TRPM3: variants seen among roughly 807,000 people sequenced by gnomAD.
TRPM3 encodes transient receptor potential cation channel subfamily M member 3, also known as long transient receptor potential channel 3.
TRPM3 carries 77 observed loss-of-function variants against 181.2 expected under a neutral mutation model. The observed-to-expected ratio is 0.42, with a 90% confidence interval of 0.35 to 0.51. The LOEUF is 0.51. Ranked by LOEUF, TRPM3 falls within the 20% of genes least tolerant of loss-of-function variation. The pLI is 0.01. For missense variants in TRPM3, 1,759 were observed against 2,196.7 expected (o/e 0.80, Z 3.98); for synonymous variants, 745 against 796.4 (o/e 0.94, Z 1.09).
At chr9:70,960,369 T>C (rs2097125241) in intron 1 of TRPM3, among the ~76,000 whole-genome samples, 1 of 152,140 alleles carries the variant, frequency 6.6e-6, no homozygotes. Flanking sequence ...CTCCCATCCA[T>C]GGAAAAAGGT....
At chr9:71,134,284 G>T (rs2074614036) in intron 1 of TRPM3, among the ~76,000 whole-genome samples, 1 of 151,932 alleles carries the variant, frequency 6.6e-6, no homozygotes, top group Admixed American at 6.6e-5. Context: ...AGATTTTTCA[G>T]CCAGGCACAG....
chr9:71,128,513 T>C (rs2074186104), intron 1 of TRPM3, among the ~76,000 whole-genome samples: 1 of 152,218 alleles, frequency 6.6e-6, no homozygotes, highest in South Asian at 2.1e-4. Flanking sequence ...GATCACTTAA[T>C]ATTCACTCTT....
chr9:71,137,322 CT>C (rs1251026112), intron 1 of TRPM3, among the ~76,000 whole-genome samples: 1 of 152,170 alleles, frequency 6.6e-6, no homozygotes, highest in African/African-American at 2.4e-5. Context: ...TATATCGCTT[CT>C]CCCTTTGTAG....
At chr9:71,418,813 CTATA>C (rs67074520) in intron 1 of TRPM3, among the ~76,000 whole-genome samples, 226 of 113,150 alleles carry the variant, frequency 2.0e-3, no homozygotes, top group African/African-American at 7.0e-3. Context: ...TATATATATA[CTATA>C]TATATATATA....
At chr9:70,609,266 C>CTGTT (rs1332632323) in intron 19 of TRPM3, among the ~76,000 whole-genome samples, 1 of 152,150 alleles carries the variant, frequency 6.6e-6, no homozygotes, top group African/African-American at 2.4e-5. Flanking sequence ...CACCACTAAG[C>CTGTT]TGTTTTCTGC....
chr9:70,762,262 T>A (rs377016236), intron 7 of TRPM3, among the ~76,000 whole-genome samples: 6 of 152,240 alleles, frequency 3.9e-5, no homozygotes, highest in African/African-American at 1.4e-4. Context: ...GTCTGGCCTA[T>A]GATTTAGGTA....
At chr9:71,277,824 A>G (rs945751158) in intron 1 of TRPM3, among the ~76,000 whole-genome samples, 1 of 152,250 alleles carries the variant, frequency 6.6e-6, no homozygotes, top group African/African-American at 2.4e-5. Flanking sequence ...ATACACATGA[A>G]ATAGTTAAGC....
intron 9 of TRPM3, among the ~76,000 whole-genome samples, chr9:70,680,000 G>C (rs907337240): frequency 2.0e-5 from 3 of 152,166 alleles, no homozygotes; most frequent in African/African-American, 7.2e-5. Context: ...AAATGCTTTA[G>C]AGCAGCGGTT....
chr9:71,145,622 A>T (rs1174315360), intron 1 of TRPM3, among the ~76,000 whole-genome samples: 1 of 152,144 alleles, frequency 6.6e-6, no homozygotes, highest in East Asian at 1.9e-4. Flanking sequence ...TCTCATGTAA[A>T]ATCCATTTTT....
At chr9:71,313,857 T>A (rs575642822) in intron 1 of TRPM3, among the ~76,000 whole-genome samples, 3 of 152,130 alleles carry the variant, frequency 2.0e-5, no homozygotes, top group African/African-American at 7.2e-5. Context: ...AAGAGTATAA[T>A]GAAGCAGAAG....
intron 1 of TRPM3, among the ~76,000 whole-genome samples, chr9:71,409,873 G>C (rs1388359653): frequency 6.6e-6 from 1 of 152,134 alleles, no homozygotes; most frequent in Non-Finnish European, 1.5e-5. Flanking sequence ...GCACTCCTCA[G>C]CAAATGTAAA....
At chr9:71,266,410 A>G (rs922660589) in intron 1 of TRPM3, among the ~76,000 whole-genome samples, 68 of 152,212 alleles carry the variant, frequency 4.5e-4, no homozygotes, top group African/African-American at 1.5e-3. Flanking sequence ...GTTGGTGCAT[A>G]CAGCTTGTAA....
At chr9:70,790,600 C>T (rs1277683785) in intron 6 of TRPM3, among the ~76,000 whole-genome samples, 1 of 152,116 alleles carries the variant, frequency 6.6e-6, no homozygotes, top group Non-Finnish European at 1.5e-5. Flanking sequence ...CAAATTAATA[C>T]CTACTTGAGA....
At chr9:71,166,205 C>A (rs553172141) in intron 1 of TRPM3, among the ~76,000 whole-genome samples, 214 of 152,222 alleles carry the variant, frequency 1.4e-3, no homozygotes, top group African/African-American at 4.9e-3. Flanking sequence ...ACCCACTCTG[C>A]AGGAGTCGGC....
At chr9:70,979,530 A>G (rs2097341908) in intron 1 of TRPM3, among the ~76,000 whole-genome samples, 1 of 152,210 alleles carries the variant, frequency 6.6e-6, no homozygotes, top group African/African-American at 2.4e-5. Context: ...ACTGGTATTT[A>G]TTAGATACTT....
intron 1 of TRPM3, among the ~76,000 whole-genome samples, chr9:71,111,489 G>A (rs1250797663): frequency 1.3e-5 from 2 of 152,082 alleles, no homozygotes; most frequent in Non-Finnish European, 2.9e-5. Context: ...GGGTTGGGGG[G>A]TGCTCCTGGT....
chr9:71,212,680 G>T (rs1456092577), intron 1 of TRPM3, among the ~76,000 whole-genome samples: 1 of 152,086 alleles, frequency 6.6e-6, no homozygotes, highest in Non-Finnish European at 1.5e-5. Context: ...TAAAACTTTG[G>T]GAGTCCATTG....
intron 1 of TRPM3, among the ~76,000 whole-genome samples, chr9:70,946,307 A>G (rs552067059): frequency 2.6e-5 from 4 of 152,200 alleles, no homozygotes; most frequent in South Asian, 2.1e-4. Context: ...AGGAAGCAGC[A>G]TGTTATACTG....
Position 70,625,531 on chromosome 9 carries a change from C to CA in TRPM3, c.1633-15dup, listed in dbSNP as rs756455867. The CA allele has an allele frequency of 6.2e-7, 1 of 1,608,750 alleles. No homozygotes were observed. Among genetic ancestry groups the CA allele is most frequent in the Admixed American group, 1.7e-5 (1 of 59,052 alleles). ...TGGATACTCTCGCTTGGAAAGAAGA[C>CA]ATAAGTTAAATAAGAAGATGCAGTA... On this transcript the variant is annotated splice_polypyrimidine_tract_variant and intron_variant, in intron 12 of 25. Transcript: ENST00000677713. The surrounding 1 kb of genome is among the most constrained non-coding windows in gnomAD (Gnocchi z 4.8).
Sources: allele counts gnomAD v4.1 joint callset (sites outside exome capture counted in the v4.1 genomes callset), GRCh38; gene constraint gnomAD v4.1.1; non-coding constraint Gnocchi (gnomAD v3.1); transcripts MANE v1.5; gene names NCBI Gene and HGNC (gene_info 2026-07-23, HGNC 2026-07-21).